The following SAMD3 variants were observed in gnomAD, a reference collection of about 807,000 sequenced individuals.
SAMD3 encodes sterile alpha motif domain containing 3.
A neutral mutation model predicts 58.5 loss-of-function variants in SAMD3; 63 were observed. The ratio of observed to expected loss-of-function variants is 1.08; its 90% CI spans 0.88 to 1.33. The LOEUF is 1.33. Among genes scored for constraint, SAMD3 ranks in the 40% most tolerant of loss-of-function variants. SAMD3 has a pLI of 0.00. For missense variants in SAMD3, 604 were observed against 608.4 expected (o/e 0.99, Z 0.08); for synonymous variants, 220 against 210.3 (o/e 1.05, Z -0.40).
At chr6:130,180,794 A>G (rs1379822716) in intron 7 of SAMD3, among the ~76,000 whole-genome samples, 4 of 152,160 alleles carry the variant, frequency 2.6e-5, no homozygotes, top group Non-Finnish European at 4.4e-5. Context: ...TCAATGTACT[A>G]GACAGTCCCC....
chr6:130,339,134 C>T (rs1777189133), intron 1 of SAMD3, among the ~76,000 whole-genome samples: 1 of 152,178 alleles, frequency 6.6e-6, no homozygotes, highest in Admixed American at 6.5e-5. Flanking sequence ...GCAAGCTCCA[C>T]CTCCCAGGTT....
chr6:130,365,544 G>A (rs1352911996), upstream of SAMD3: 2 of 985,226 alleles, frequency 2.0e-6, no homozygotes, highest in Non-Finnish European at 1.2e-6. Context: ...GTCCTGCGGT[G>A]CCTGCTCCGG....
intron 2 of SAMD3, among the ~76,000 whole-genome samples, chr6:130,242,696 G>GC (rs1387192229): frequency 2.0e-5 from 3 of 152,202 alleles, no homozygotes; most frequent in African/African-American, 7.2e-5. Flanking sequence ...AATATCCAGA[G>GC]CTGGCCTGTC....
At chr6:130,218,957 C>T (rs1345671275) in intron 1 of SAMD3, among the ~76,000 whole-genome samples, 1 of 152,096 alleles carries the variant, frequency 6.6e-6, no homozygotes, top group Admixed American at 6.6e-5. Flanking sequence ...TATGCTTAAG[C>T]TTGGGAGAGT....
chr6:130,317,012 C>T (rs1319829304), intron 1 of SAMD3, among the ~76,000 whole-genome samples: 1 of 152,198 alleles, frequency 6.6e-6, no homozygotes, highest in Admixed American at 6.5e-5. Flanking sequence ...GACTGCACAT[C>T]AGGCCTTCTG....
chr6:130,175,222 C>T (rs1413642363), intron 8 of SAMD3, among the ~76,000 whole-genome samples: 2 of 152,122 alleles, frequency 1.3e-5, no homozygotes, highest in African/African-American at 4.8e-5. Context: ...TGAGGAATTT[C>T]GGTGCTCTGA....
chr6:130,309,232 G>A (rs1443267674), intron 2 of SAMD3, among the ~76,000 whole-genome samples: 1 of 152,156 alleles, frequency 6.6e-6, no homozygotes, highest in African/African-American at 2.4e-5. Flanking sequence ...CTTACAATGT[G>A]GGGAAACTAG....
At chr6:130,184,276 C>A in intron 6 of SAMD3, 89 bp from the exon 7 acceptor site, 1 of 1,250,060 alleles carries the variant, frequency 8.0e-7, no homozygotes, top group South Asian at 1.5e-5. Context: ...CATTTTTCTT[C>A]ACATTTTTCT....
At chr6:130,198,353 C>T (rs1160851245) in intron 5 of SAMD3, among the ~76,000 whole-genome samples, 2 of 152,142 alleles carry the variant, frequency 1.3e-5, no homozygotes, top group African/African-American at 4.8e-5. Flanking sequence ...TACAAGCATG[C>T]ATCACCACAC....
At position 130,333,594 on chromosome 6, in the gene SAMD3, G is replaced by A. The variant is rs566601965; in HGVS notation, c.-303-20501C>T. On this transcript the variant is annotated intron_variant, in intron 1 of 13. Coordinates refer to the SAMD3 transcript ENST00000368134. ...TGAGTCTAATTTAATATAGAATTTTGAGTAGCTCATATTTAATTCCTTTAA... is the reference window on the plus strand; with the variant it reads ...TGAGTCTAATTTAATATAGAATTTTAAGTAGCTCATATTTAATTCCTTTAA... Among the ~76,000 whole-genome samples, 17 of 152,282 alleles carry A rather than the reference G, an allele frequency of 1.1e-4. 1 individual carries two copies. In the South Asian group the frequency reaches 3.5e-3, roughly 32 times the overall value.
Position 130,214,368 on chromosome 6 carries a change from C to A in SAMD3, c.238G>T (p.Ala80Ser), listed in dbSNP as rs569541439. 4 of 1,607,352 alleles carry A rather than the reference C, an allele frequency of 2.5e-6. No individual in the cohort carries two copies. The African/African-American group carries it at 5.4e-5, about 22-fold the overall frequency. The part of the protein sequence containing the change: ...LKSPENPKKA[A>S]LVMQTEAARD... ...GCTGCTTCTGTTTGCATGACCAGGG[C>A]TGCCTTTTTGGGGTTTTCTGGGGAC... Residue 80 changes from alanine (A) to serine (S), a missense_variant, in exon 4 of 12, where the codon GCC becomes TCC. Transcript: ENST00000439090.
intron 1 of SAMD3, among the ~76,000 whole-genome samples, chr6:130,334,349 A>T (rs929657758): frequency 6.6e-6 from 1 of 152,194 alleles, no homozygotes; most frequent in African/African-American, 2.4e-5. Flanking sequence ...AAGGAAAAAA[A>T]CAAACAAAAA....
chr6:130,166,081 G>A (rs1790714447), intron 8 of SAMD3, among the ~76,000 whole-genome samples: 1 of 152,158 alleles, frequency 6.6e-6, no homozygotes. Flanking sequence ...GGTGCTCCCT[G>A]TGCTGGCCGA....
chr6:130,300,334 TAAAC>T (rs1775704157), intron 2 of SAMD3, among the ~76,000 whole-genome samples: 1 of 152,070 alleles, frequency 6.6e-6, no homozygotes, highest in Admixed American at 6.5e-5. Flanking sequence ...ATTCATCACA[TAAAC>T]AAAATTAAAA....
chr6:130,260,945 C>G (rs1389737603), intron 2 of SAMD3, among the ~76,000 whole-genome samples: 1 of 152,220 alleles, frequency 6.6e-6, no homozygotes, highest in Non-Finnish European at 1.5e-5. Context: ...CACGGTGTAC[C>G]TTTATCGGCA....
chr6:130,279,307 C>G (rs1774898359), intron 2 of SAMD3, among the ~76,000 whole-genome samples: 1 of 151,834 alleles, frequency 6.6e-6, no homozygotes, highest in African/African-American at 2.4e-5. Context: ...GCGGTTTTCC[C>G]CATGCAGTTC....
chr6:130,206,121 A>G (rs142390781), intron 5 of SAMD3, among the ~76,000 whole-genome samples: 15 of 152,290 alleles, frequency 9.8e-5, no homozygotes, highest in African/African-American at 3.6e-4. Flanking sequence ...TTAAAAATAG[A>G]TACTTCACCC....
chr6:130,348,177 C>T (rs531723620), intron 1 of SAMD3, among the ~76,000 whole-genome samples: 1 of 152,246 alleles, frequency 6.6e-6, no homozygotes, highest in African/African-American at 2.4e-5. Flanking sequence ...AACCAATGAG[C>T]AAAATAACCA....
intron 2 of SAMD3, among the ~76,000 whole-genome samples, chr6:130,250,774 T>C (rs1237530241): frequency 6.6e-6 from 1 of 152,222 alleles, no homozygotes; most frequent in Non-Finnish European, 1.5e-5. Context: ...AAGTACTTCA[T>C]TCTTTTCTAT....
Sources: gnomAD v4.1 joint callset for allele counts (sites outside exome capture counted in the v4.1 genomes callset) on GRCh38, gnomAD v4.1.1 for gene constraint, MANE v1.5 for transcripts, NCBI Gene and HGNC (gene_info 2026-07-23, HGNC 2026-07-21) for gene names.